The following RAB31 variants were observed in gnomAD, a reference collection of about 807,000 sequenced individuals.
The protein encoded by RAB31 is ras-related protein Rab-31.
In RAB31, 21 loss-of-function variants were observed where a neutral mutation model predicts 25.6. The observed-to-expected ratio is 0.82, with a 90% CI of 0.58 to 1.18. The LOEUF (loss-of-function observed/expected upper bound fraction) is 1.18. Among genes scored for constraint, RAB31 ranks in the 50% most tolerant of loss-of-function variants. The probability of loss-of-function intolerance (pLI) is 0.00; values close to 1 mark genes in which losing one functional copy is unlikely to be tolerated. For missense variants in RAB31, 196 were observed against 250.1 expected (o/e 0.78, Z 1.46); for synonymous variants, 87 against 84.0 (o/e 1.04, Z -0.20).
intron 2 of RAB31, among the ~76,000 whole-genome samples, chr18:9,778,458 A>G (rs899076240): frequency 3.3e-5 from 5 of 152,118 alleles, no homozygotes; most frequent in Admixed American, 1.3e-4. Flanking sequence ...AAAACCACCT[A>G]TAACTTTTTG....
In RAB31 at chr18:9,829,517, C is replaced by T. The variant is rs117062571; in HGVS notation, c.380+14295C>T. On this transcript the variant is annotated intron_variant, in intron 5 of 6. Coordinates refer to ENST00000578921, the MANE Select transcript of RAB31 (RefSeq NM_006868.4). Reference sequence around the variant, plus strand: ...GTTACTATGAACATTGCTGCTTGAACGTTCTTGCACATGTGTAAGCATTTC... The same window carrying T: ...GTTACTATGAACATTGCTGCTTGAATGTTCTTGCACATGTGTAAGCATTTC... Among the ~76,000 whole-genome samples the T allele has an allele frequency of 5.1e-3, 770 of 152,296 alleles. 19 individuals carry two copies. Among genetic ancestry groups the T allele is most frequent in the Admixed American group, 0.042 (641 of 15,292 alleles).
At chr18:9,723,206 C>T (rs1463346955) in intron 1 of RAB31, among the ~76,000 whole-genome samples, 1 of 152,106 alleles carries the variant, frequency 6.6e-6, no homozygotes, top group East Asian at 1.9e-4. Context: ...TGGCACCATG[C>T]CCGGCTAATT....
intron 1 of RAB31, among the ~76,000 whole-genome samples, chr18:9,726,968 T>G (rs1409018489): frequency 6.6e-6 from 1 of 152,200 alleles, no homozygotes; most frequent in Admixed American, 6.5e-5. Flanking sequence ...GTAACATTTA[T>G]TTTTGCTTGT....
At chr18:9,810,936 A>G (rs2068567276) in intron 3 of RAB31, among the ~76,000 whole-genome samples, 1 of 152,202 alleles carries the variant, frequency 6.6e-6, no homozygotes, top group Non-Finnish European at 1.5e-5. Context: ...GAAAAGTAGG[A>G]ATGTTTAAAA....
chr18:9,844,145 A>G (rs1247926631), intron 5 of RAB31, among the ~76,000 whole-genome samples: 1 of 151,860 alleles, frequency 6.6e-6, no homozygotes, highest in Non-Finnish European at 1.5e-5. Context: ...CATCCATTCT[A>G]TGCACCATTT....
chr18:9,803,798 C>A (rs137964635), intron 3 of RAB31, among the ~76,000 whole-genome samples: 1 of 152,184 alleles, frequency 6.6e-6, no homozygotes, highest in African/African-American at 2.4e-5. Flanking sequence ...GGGACCCTGA[C>A]GGCAGCTGTG....
At chr18:9,844,293 C>T (rs1599064297) in intron 5 of RAB31, among the ~76,000 whole-genome samples, 2 of 152,260 alleles carry the variant, frequency 1.3e-5, no homozygotes, top group African/African-American at 4.8e-5. Flanking sequence ...CATTCATTTG[C>T]AAATCCGCCA....
chr18:9,746,987 A>G (rs933102838), intron 1 of RAB31, among the ~76,000 whole-genome samples: 1 of 152,240 alleles, frequency 6.6e-6, no homozygotes, highest in African/African-American at 2.4e-5. Flanking sequence ...AGCCTACAGA[A>G]TGAGAGAAAA....
At chr18:9,785,880 G>A (rs1159838560) in intron 2 of RAB31, among the ~76,000 whole-genome samples, 1 of 152,184 alleles carries the variant, frequency 6.6e-6, no homozygotes, top group Admixed American at 6.5e-5. Context: ...GACCAACGTG[G>A]TGAAACCCCT....
At chr18:9,751,145 T>G (rs2068233188) in intron 1 of RAB31, among the ~76,000 whole-genome samples, 1 of 152,180 alleles carries the variant, frequency 6.6e-6, no homozygotes, top group African/African-American at 2.4e-5. Flanking sequence ...ACAGTCCTCC[T>G]GCCTCAGACT....
intron 3 of RAB31, among the ~76,000 whole-genome samples, chr18:9,799,196 C>T (rs906961402): frequency 3.3e-5 from 5 of 152,182 alleles, no homozygotes; most frequent in African/African-American, 9.7e-5. Context: ...GGATTATAGG[C>T]GTGAGCCACC....
intron 2 of RAB31, among the ~76,000 whole-genome samples, chr18:9,782,696 C>G (rs2068411347): frequency 6.6e-6 from 1 of 152,036 alleles, no homozygotes; most frequent in Non-Finnish European, 1.5e-5. Context: ...GCCTGAGGTT[C>G]TTATTTGTTT....
intron 1 of RAB31, among the ~76,000 whole-genome samples, chr18:9,755,123 T>C (rs772007754): frequency 1.3e-4 from 20 of 152,156 alleles, no homozygotes; most frequent in Non-Finnish European, 2.9e-4. Flanking sequence ...AATGAGGTGA[T>C]GCAAATGAAA....
At position 9,807,818 on chromosome 18, in the gene RAB31, T is replaced by TA. The variant is rs201735217; in HGVS notation, c.202-6193dup. Among the ~76,000 whole-genome samples, 769 of 150,574 alleles carry TA rather than the reference T, an allele frequency of 5.1e-3. 6 individuals carry two copies. Among genetic ancestry groups the TA allele is most frequent in the Non-Finnish European group, 7.6e-3 (514 of 67,620 alleles). On this transcript the variant is annotated intron_variant, in intron 3 of 6. Transcript: ENST00000578921. Reference sequence around the variant, plus strand: ...GCGTGAACTTGTCTCTATAAAAACTTAAAAAAAAACTTAACCGGATATGGT... The same window carrying TA: ...GCGTGAACTTGTCTCTATAAAAACTTAAAAAAAAAACTTAACCGGATATGGT...
At chr18:9,758,194 C>G (rs1419984344) in intron 1 of RAB31, 1 of 152,294 alleles carries the variant, frequency 6.6e-6, no homozygotes, top group African/African-American at 2.4e-5. Context: ...TTGCCTCTTT[C>G]TTCGACCTCT....
chr18:9,858,059 C>T (rs1171796382), intron 6 of RAB31, among the ~76,000 whole-genome samples: 3 of 152,068 alleles, frequency 2.0e-5, no homozygotes, highest in African/African-American at 7.2e-5. Flanking sequence ...CATTTTAGAG[C>T]TAGTGTTTCA....
At chr18:9,774,014 C>T (rs2068359184) in intron 1 of RAB31, among the ~76,000 whole-genome samples, 1 of 152,044 alleles carries the variant, frequency 6.6e-6, no homozygotes, top group Non-Finnish European at 1.5e-5. Flanking sequence ...TTTAAAATAA[C>T]ATCCTGCTGT....
At chr18:9,812,860 G>A (rs747176386) in intron 3 of RAB31, among the ~76,000 whole-genome samples, 5 of 151,940 alleles carry the variant, frequency 3.3e-5, no homozygotes, top group South Asian at 2.1e-4. Flanking sequence ...ACCATGCCCA[G>A]CTAATTTTTG....
chr18:9,860,117 T>C lies in RAB31; in HGVS notation c.*792T>C, dbSNP rs1360315111. The C allele has an allele frequency of 6.6e-6, 1 of 152,198 alleles. No homozygotes were observed. Among genetic ancestry groups the C allele is most frequent in the Non-Finnish European group, 1.5e-5 (1 of 68,042 alleles). 9.4% of individuals were successfully genotyped at this position (152,198 alleles called of 1,614,324 possible). ...TATTCAAGAGACCACCTGACATGCATCTCCTCCGCAGGAATACATTCGTCC... is the reference window on the plus strand; with the variant it reads ...TATTCAAGAGACCACCTGACATGCACCTCCTCCGCAGGAATACATTCGTCC... On this transcript the variant is annotated 3_prime_UTR_variant, in exon 7 of 7. Transcript: ENST00000578921.
Sources: gnomAD v4.1 joint callset for allele counts (sites outside exome capture counted in the v4.1 genomes callset) on GRCh38, gnomAD v4.1.1 for gene constraint, MANE v1.5 for transcripts, NCBI Gene and HGNC (gene_info 2026-07-23, HGNC 2026-07-21) for gene names.